TUBB6: variants seen among roughly 807,000 people sequenced by gnomAD.
The protein encoded by TUBB6 is tubulin beta-6 chain.
A neutral mutation model predicts 32.3 loss-of-function variants in TUBB6; 18 were observed. The ratio of observed to expected loss-of-function variants is 0.56; its 90% CI spans 0.39 to 0.83. The LOEUF (loss-of-function observed/expected upper bound fraction) is 0.83, where lower values mean the gene tolerates loss of function less well. TUBB6 is among the 40% of genes least tolerant of loss of function. The pLI is 0.00. For synonymous variants in TUBB6, 280 were observed against 265.8 expected, an observed-to-expected ratio of 1.05 and a Z score of -0.52; for missense variants, 480 against 632.0, an observed-to-expected ratio of 0.76 and a Z score of 2.58.
At chr18:12,309,251 G>A (rs1568117955) in intron 2 of TUBB6, among the ~76,000 whole-genome samples, 2 of 147,480 alleles carry the variant, frequency 1.4e-5, no homozygotes, top group African/African-American at 2.5e-5. Context: ...CACCCCTGTA[G>A]TACCAGTTAA....
At chr18:12,317,105 G>C (rs531544583) in intron 3 of TUBB6, among the ~76,000 whole-genome samples, 1 of 150,258 alleles carries the variant, frequency 6.7e-6, no homozygotes, top group African/African-American at 2.5e-5. Context: ...GCAGTGAGCC[G>C]AGATTGAGCC....
downstream of TUBB6, chr18:12,329,134 T>C: frequency 1.4e-6 from 1 of 702,922 alleles, no homozygotes; most frequent in Non-Finnish European, 2.6e-6. Flanking sequence ...AGACTCCAAT[T>C]TAATTTCACA....
In TUBB6 at chr18:12,326,396, A is replaced by C; in HGVS notation, c.*266A>C. 4.4e-6 allele frequency: 2 copies of C among 454,100 alleles called. No homozygotes were observed. The highest frequency in any genetic ancestry group is 6.0e-4 in the Middle Eastern group (1 of 1,670). 28.1% of individuals were successfully genotyped at this position (454,100 alleles called of 1,614,324 possible). ...AAGAGAACTGAGGGGCCACAAAATA[A>C]ACTTCACCTTCCATTAAGTGTTCAA... On this transcript the variant is annotated 3_prime_UTR_variant, in exon 4 of 4. Transcript: ENST00000317702.
chr18:12,319,932 G>A (rs1490857411), intron 3 of TUBB6, among the ~76,000 whole-genome samples: 4 of 151,766 alleles, frequency 2.6e-5, no homozygotes, highest in African/African-American at 9.7e-5. Context: ...GACTACAGGC[G>A]CCCGCCACCA....
At chr18:12,327,039 C>T (rs912445634), downstream of TUBB6, among the ~76,000 whole-genome samples, 2 of 152,238 alleles carry the variant, frequency 1.3e-5, no homozygotes, top group Non-Finnish European at 2.9e-5. Flanking sequence ...ATAAACTCCA[C>T]GGGGCACGCA....
upstream of TUBB6, chr18:12,308,045 C>T (rs893280343): frequency 3.0e-4 from 46 of 153,230 alleles, no homozygotes; most frequent in Non-Finnish European, 5.8e-4. Flanking sequence ...TCCCCGCCAG[C>T]TCCGGGCCCG....
downstream of TUBB6, chr18:12,326,663 C>CCA (rs1446061506): frequency 6.4e-6 from 1 of 155,910 alleles, no homozygotes; most frequent in African/African-American, 2.4e-5. Context: ...GAACTCCTCC[C>CCA]CACTTCAGTT....
intron 3 of TUBB6, chr18:12,320,784 C>G: frequency 6.6e-6 from 1 of 152,130 alleles, no homozygotes. Flanking sequence ...ATAAATTGTT[C>G]CTCAGTAAAC....
chr18:12,326,290 A>G lies in TUBB6; in HGVS notation c.*160A>G. 1 of 1,118,560 alleles carries G rather than the reference A, an allele frequency of 8.9e-7. No individual in the cohort carries two copies. The highest frequency in any genetic ancestry group is 3.0e-4 in the Middle Eastern group (1 of 3,286). 69.3% of individuals were successfully genotyped at this position (1,118,560 alleles called of 1,614,324 possible). ...AGTCATGTAATTAGTCATCTGGAAC[A>G]AAGACTAAAAACAGCAGAGAATTGC... On this transcript the variant is annotated 3_prime_UTR_variant, in exon 4 of 4. Transcript: ENST00000317702.
At position 12,325,187 on chromosome 18, in the gene TUBB6, T is replaced by G; in HGVS notation, c.398T>G (p.Phe133Cys). The change falls in exon 4 of 4, where the codon TTC (phenylalanine) becomes TGC (cysteine). Residue 133 changes from phenylalanine (F) to cysteine (C), a missense_variant. Coordinates refer to ENST00000317702, the MANE Select transcript of TUBB6 (RefSeq NM_032525.3). ...GAGCACTGCGACTGCCTGCAGGGCT[T>G]CCAGCTCACGCACTCGCTGGGCGGC... ...ECEHCDCLQG[F>C]QLTHSLGGGT... 2 of 1,614,068 alleles carry G rather than the reference T, an allele frequency of 1.2e-6. No individual in the cohort carries two copies. The highest frequency in any genetic ancestry group is 1.1e-5 in the South Asian group (1 of 91,064).
At chr18:12,311,997 T>C (rs1455132815) in intron 3 of TUBB6, among the ~76,000 whole-genome samples, 2 of 151,114 alleles carry the variant, frequency 1.3e-5, no homozygotes, top group East Asian at 3.9e-4. Context: ...TCCAAGAAAA[T>C]GTGAAGAATT....
chr18:12,321,552 T>C (rs1906988514), intron 3 of TUBB6, among the ~76,000 whole-genome samples: 1 of 152,216 alleles, frequency 6.6e-6, no homozygotes, highest in South Asian at 2.1e-4. Flanking sequence ...GTTTCACTGC[T>C]TCATAGTTCA....
rs74467243 is a variant in TUBB6 at position 12,313,468 on chromosome 18, C to G, written c.277+2415C>G. 8.7e-3 allele frequency among the ~76,000 whole-genome samples: 1,330 copies of G among 152,250 alleles called. 15 individuals carry two copies. The highest frequency in any genetic ancestry group is 0.03 in the African/African-American group (1,253 of 41,528). On this transcript the variant is annotated intron_variant, in intron 3 of 3. Transcript: ENST00000317702. ...GATTTGCCTGGAACTGGGAGGTGTT[C>G]CCCAGGACACTAGACTTTGAGTGCT...
intron 3 of TUBB6, among the ~76,000 whole-genome samples, chr18:12,318,737 T>C (rs1906805193): frequency 1.4e-5 from 2 of 139,054 alleles, no homozygotes; most frequent in East Asian, 4.4e-4. Context: ...ACTTCAGTGT[T>C]CAATATTTAA....
At chr18:12,327,869 G>A (rs541124411), downstream of TUBB6, among the ~76,000 whole-genome samples, 1 of 152,340 alleles carries the variant, frequency 6.6e-6, no homozygotes, top group South Asian at 2.1e-4. Context: ...CCTGTGAGAG[G>A]GCAGCCCACG....
intron 3 of TUBB6, 35 bp downstream of exon 3, chr18:12,311,088 TTTA>T (rs1488029210): frequency 6.6e-7 from 1 of 1,507,922 alleles, no homozygotes; most frequent in Admixed American, 1.8e-5. Flanking sequence ...TTCTTCTTCT[TTTA>T]TTTTTTTAAA....
chr18:12,324,999 C>G (rs773810913), intron 3 of TUBB6, 68 bp from the exon 4 acceptor site: 120 of 1,522,312 alleles, frequency 7.9e-5, no homozygotes, highest in Non-Finnish European at 9.7e-5. Flanking sequence ...CCCTCCTTGT[C>G]GGTGACCAAG....
chr18:12,325,196 C>T lies in TUBB6; in HGVS notation c.407C>T (p.Thr136Met). The change falls in exon 4 of 4, where the codon ACG (threonine) becomes ATG (methionine). Residue 136 changes from threonine to methionine, a missense_variant. By Grantham distance (81) the Thr-to-Met change is moderately conservative. Transcript: ENST00000317702. Reference protein sequence around the residue: ...HCDCLQGFQLTHSLGGGTGSG... With the variant: ...HCDCLQGFQLMHSLGGGTGSG... The stretch of plus-strand genomic sequence containing the variant: ...GACTGCCTGCAGGGCTTCCAGCTCA[C>T]GCACTCGCTGGGCGGCGGCACGGGC... 6.2e-7 allele frequency: 1 copy of T among 1,614,094 alleles called. No individual in the cohort carries two copies. The highest frequency in any genetic ancestry group is 2.2e-5 in the East Asian group (1 of 44,876).
chr18:12,319,479 G>C (rs1598806870), intron 3 of TUBB6, among the ~76,000 whole-genome samples: 1 of 152,150 alleles, frequency 6.6e-6, no homozygotes, highest in African/African-American at 2.4e-5. Flanking sequence ...TGTGCACCTA[G>C]GTGAGCACAC....
Sources: gnomAD v4.1 joint callset for allele counts (sites outside exome capture counted in the v4.1 genomes callset) on GRCh38, gnomAD v4.1.1 for gene constraint, MANE v1.5 for transcripts, NCBI Gene and HGNC (gene_info 2026-07-23, HGNC 2026-07-21) for gene names.